The following KLK10 variants were observed in gnomAD, a reference collection of about 807,000 sequenced individuals.
KLK10 encodes the protein kallikrein related peptidase 10.
In KLK10, 27 loss-of-function variants were observed where a neutral mutation model predicts 25.7. That is an observed-to-expected ratio of 1.05 (90% CI 0.77 to 1.45). The LOEUF is 1.45. Ranked by LOEUF, KLK10 falls within the 40% of genes most tolerant of loss-of-function variation. The probability of loss-of-function intolerance (pLI) is 0.00; values close to 1 mark genes in which losing one functional copy is unlikely to be tolerated. For missense variants in KLK10, 386 were observed against 370.0 expected (o/e 1.04, Z -0.35); for synonymous variants, 173 against 160.1 (o/e 1.08, Z -0.61).
At chr19:51,015,030 G>A in intron 5 of KLK10, 78 bp from the exon 6 acceptor site, 1 of 1,354,060 alleles carries the variant, frequency 7.4e-7, no homozygotes, top group Non-Finnish European at 1.0e-6. Context: ...GGCAGTGGTG[G>A]GGAAGGAAGG....
At chr19:51,018,691 G>A (rs1053975684) in intron 2 of KLK10, 7 of 268,488 alleles carry the variant, frequency 2.6e-5, no homozygotes, top group South Asian at 1.2e-4. Flanking sequence ...GCGACAGAGC[G>A]AGACTCCGTC....
At chr19:51,018,903 C>A in intron 2 of KLK10, 140 bp downstream of exon 2, 1 of 662,162 alleles carries the variant, frequency 1.5e-6, no homozygotes, top group Non-Finnish European at 2.6e-6. Context: ...GACTTGGGGG[C>A]GGGCCGTGCT....
intron 3 of KLK10, among the ~76,000 whole-genome samples, chr19:51,016,738 C>CACAATGATATTACAAACCTATTA (rs2091333610): frequency 6.6e-6 from 1 of 152,064 alleles, no homozygotes; most frequent in African/African-American, 2.4e-5. Flanking sequence ...GAGCCCAGCC[C>CACAATGATATTACAAACCTATTA]AACTCCACAT....
intron 2 of KLK10, among the ~76,000 whole-genome samples, chr19:51,018,162 C>G (rs549992721): frequency 5.6e-5 from 1 of 17,910 alleles, no homozygotes; most frequent in African/African-American, 3.2e-4. Flanking sequence ...ACTGCCCTGT[C>G]TCAAAAAAAA....
In KLK10 at chr19:51,019,261, G is replaced by T. The variant is rs543710703; in HGVS notation, c.-9-122C>A. 3.3e-4 allele frequency: 207 copies of T among 630,840 alleles called. No homozygotes were observed. The East Asian group carries it at 5.7e-3, about 17-fold the overall frequency. 39.1% of individuals were successfully genotyped at this position (630,840 alleles called of 1,614,324 possible). ...GCAAGCACCCTTTTGACCTGCAGCC[G>T]ATAACCCCAGGGGCTGGCAGACGGG... On this transcript the variant is annotated intron_variant, in intron 1 of 5. Coordinates refer to ENST00000358789, the MANE Select transcript of KLK10 (RefSeq NM_145888.3). This position sits in a 1 kb window ranked among gnomAD's most constrained non-coding sequence, Gnocchi z 4.2.
chr19:51,018,902 G>A, intron 2 of KLK10, 141 bp downstream of exon 2: 2 of 663,734 alleles, frequency 3.0e-6, no homozygotes, highest in South Asian at 1.8e-5. Flanking sequence ...TGACTTGGGG[G>A]CGGGCCGTGC....
chr19:51,016,575 T>TA (rs1262959004), intron 3 of KLK10, among the ~76,000 whole-genome samples: 1 of 149,220 alleles, frequency 6.7e-6, no homozygotes, highest in Non-Finnish European at 1.5e-5. Flanking sequence ...TTTTTTTTTT[T>TA]AATTTTTTTA....
intron 5 of KLK10, 34 bp from the exon 6 acceptor site, chr19:51,014,986 G>A (rs766241130): frequency 5.6e-6 from 9 of 1,598,660 alleles, no homozygotes; most frequent in African/African-American, 1.3e-5. Flanking sequence ...TCAAATAAAT[G>A]TGCCAACGTG....
At position 51,017,178 on chromosome 19, in the gene KLK10, G is replaced by C. The variant is rs149587489; in HGVS notation, c.201C>G (p.Leu67=). 1.2e-6 allele frequency: 2 copies of C among 1,612,124 alleles called. No homozygotes were observed. The highest frequency in any genetic ancestry group is 1.7e-6 in the Non-Finnish European group (2 of 1,179,714). Residue 67 remains leucine (L), a synonymous_variant, in exon 3 of 6, where the codon CTC becomes CTG. Coordinates refer to ENST00000358789, the MANE Select transcript of KLK10 (RefSeq NM_145888.3). ...CCAGGACACCCGCGCAGTGGAACGA[G>C]AGGCCGTTGAAGAGCGAGACCTGCC... ...QPWQVSLFNG[L]SFHCAGVLVD...
chr19:51,018,857 G>T (rs2091371458), intron 2 of KLK10, 186 bp downstream of exon 2: 2 of 599,106 alleles, frequency 3.3e-6, no homozygotes, highest in Non-Finnish European at 3.0e-6. Context: ...AGTGGGGCGG[G>T]TCACCCAGGG....
rs753173361 is a variant in KLK10 at position 51,015,931 on chromosome 19, G to A, written c.495C>T (p.Pro165=). 21 of 1,589,388 alleles carry A rather than the reference G, an allele frequency of 1.3e-5. No homozygotes were observed. The highest frequency in any genetic ancestry group is 1.1e-4 in the East Asian group (5 of 44,168). ...AGCCAGCAACCTGGCACTGGTCTCC[G>A]GGCTGAGCACAGCGGTAGGGAAGCT... ...ALQLPYRCAQ[P]GDQCQVAGWG... The change falls in exon 4 of 6, where the codon CCC becomes CCT. Residue 165 remains proline (P), a synonymous_variant. Transcript: ENST00000358789.
Position 51,013,820 on chromosome 19 carries a change from A to G in KLK10, c.*980T>C, listed in dbSNP as rs2091290199. 1 of 153,726 alleles carries G rather than the reference A, an allele frequency of 6.5e-6. No individual in the cohort carries two copies. The highest frequency in any genetic ancestry group is 2.1e-4 in the South Asian group (1 of 4,830). 9.5% of individuals were successfully genotyped at this position (153,726 alleles called of 1,614,324 possible). ...GAGAATCAAACAATTCCTCCTCCCA[A>G]GTTTTCAGGACGAAAATCTCACAGC... is the stretch of plus-strand genomic sequence containing the variant. On this transcript the variant is annotated 3_prime_UTR_variant, in exon 6 of 6. Coordinates refer to ENST00000358789, the MANE Select transcript of KLK10 (RefSeq NM_145888.3).
In KLK10 at chr19:51,019,260, C is replaced by G; in HGVS notation, c.-9-121G>C. On this transcript the variant is annotated intron_variant, in intron 1 of 5. Coordinates refer to ENST00000358789, the MANE Select transcript of KLK10 (RefSeq NM_145888.3). This position sits in a 1 kb window ranked among gnomAD's most constrained non-coding sequence, Gnocchi z 4.2. ...CGCAAGCACCCTTTTGACCTGCAGC[C>G]GATAACCCCAGGGGCTGGCAGACGG... The G allele has an allele frequency of 3.2e-6, 2 of 634,522 alleles. No homozygotes were observed. The highest frequency in any genetic ancestry group is 5.4e-6 in the Non-Finnish European group (2 of 369,090). The allele number at this position is 634,522 out of a possible 1,614,324, so 39.3% of individuals were successfully genotyped here.
chr19:51,015,589 C>T (rs1373633192), intron 4 of KLK10, 39 bp from the exon 5 acceptor site: 2 of 1,603,822 alleles, frequency 1.2e-6, no homozygotes, highest in African/African-American at 1.3e-5. Context: ...GGGTCCAGCC[C>T]CCAATCCTTG....
chr19:51,015,630 T>A (rs2091316310), intron 4 of KLK10, 80 bp from the exon 5 acceptor site: 2 of 1,494,862 alleles, frequency 1.3e-6, no homozygotes, highest in African/African-American at 1.4e-5. Context: ...CAAGACCGTT[T>A]CTATCCTAAG....
chr19:51,018,427 G>T (rs7259451), intron 2 of KLK10: 54,185 of 152,378 alleles, frequency 0.36, 9,955 homozygotes, highest in African/African-American at 0.43. Context: ...GATAAAACAC[G>T]GTGGTGTGGC....
rs1353976348 is a variant in KLK10, at chr19:51,014,416, T to G, written c.*384A>C. The G allele has an allele frequency of 9.9e-6, 2 of 201,680 alleles. No individual in the cohort carries two copies. The highest frequency in any genetic ancestry group is 4.6e-5 in the African/African-American group (2 of 43,192). The allele number at this position is 201,680 out of a possible 1,614,324, so 12.5% of individuals were successfully genotyped here. A position where few individuals can be genotyped will look rare whatever the true frequency, so the allele number is the denominator to read the frequency against. On this transcript the variant is annotated 3_prime_UTR_variant, in exon 6 of 6. Transcript: ENST00000358789. ...AGGTAGGCACGTCATTGTTCCCATT[T>G]TGCAGATGAGGAAACTGAGGTTCAG...
chr19:51,018,314 GAAAGAAAGA>G (rs905724360), intron 2 of KLK10: 3 of 149,248 alleles, frequency 2.0e-5, no homozygotes, highest in Admixed American at 6.7e-5. Flanking sequence ...AAAGAAGAAC[GAAAGAAAGA>G]AAAGAAAGAA....
In KLK10 at chr19:51,019,445, G is replaced by A. The variant is rs1169824909; in HGVS notation, c.-10+182C>T. ...CGAGGTTTCCCCCTCCTTCACGCGC[G>A]GGGTGGGGATCCGAGGCTCGGAGCC... is the stretch of plus-strand genomic sequence containing the variant. On this transcript the variant is annotated intron_variant, in intron 1 of 5. Coordinates refer to ENST00000358789, the MANE Select transcript of KLK10 (RefSeq NM_145888.3). The surrounding 1 kb of genome is among the most constrained non-coding windows in gnomAD (Gnocchi z 4.2). Among the ~76,000 whole-genome samples, 1 of 152,212 alleles carries A rather than the reference G, an allele frequency of 6.6e-6. No homozygotes were observed. The highest frequency in any genetic ancestry group is 2.4e-5 in the African/African-American group (1 of 41,454).
Sources: gnomAD v4.1 joint callset for allele counts (sites outside exome capture counted in the v4.1 genomes callset) on GRCh38, gnomAD v4.1.1 for gene constraint, Gnocchi (gnomAD v3.1) non-coding constraint, MANE v1.5 for transcripts, NCBI Gene and HGNC (gene_info 2026-07-23, HGNC 2026-07-21) for gene names.